The following PLXNA4 variants were observed in gnomAD, a reference collection of about 807,000 sequenced individuals.
PLXNA4 encodes the protein plexin-A4.
Under a neutral mutation model 191.8 loss-of-function variants are expected in PLXNA4, and 44 were observed. The observed-to-expected ratio is 0.23, with a 90% confidence interval of 0.18 to 0.29. PLXNA4 has a LOEUF of 0.29. Among genes scored for constraint, PLXNA4 ranks in the 10% least tolerant of loss-of-function variants. PLXNA4 has a pLI of 1.00. For synonymous variants in PLXNA4, 1,082 were observed against 1,009.5 expected, an observed-to-expected ratio of 1.07 and a Z score of -1.36; for missense variants, 1,800 against 2,488.8, an observed-to-expected ratio of 0.72 and a Z score of 5.89.
intron 1 of PLXNA4, among the ~76,000 whole-genome samples, chr7:132,555,045 G>GAAAAAAAA (rs1554467852): frequency 3.6e-5 from 4 of 111,942 alleles, no homozygotes; most frequent in Non-Finnish European, 6.9e-5. Context: ...AAACCTGAAG[G>GAAAAAAAA]AAAAAAAAAA....
chr7:132,186,149 C>A (rs1796871894), intron 15 of PLXNA4, among the ~76,000 whole-genome samples: 1 of 152,188 alleles, frequency 6.6e-6, no homozygotes, highest in Non-Finnish European at 1.5e-5. Context: ...GGAGCTTCTC[C>A]AGCCACATTG....
chr7:132,496,651 T>C (rs1249610801), intron 2 of PLXNA4, among the ~76,000 whole-genome samples: 1 of 152,190 alleles, frequency 6.6e-6, no homozygotes, highest in Non-Finnish European at 1.5e-5. Context: ...CCGTCCACCT[T>C]GGCCTCCCAA....
chr7:132,344,731 A>G (rs546077452), intron 3 of PLXNA4, among the ~76,000 whole-genome samples: 1 of 152,302 alleles, frequency 6.6e-6, no homozygotes, highest in Non-Finnish European at 1.5e-5. Flanking sequence ...TTTGTCCTCG[A>G]AGTGTTGTCA....
chr7:132,174,212 G>C (rs1489197548), intron 21 of PLXNA4, among the ~76,000 whole-genome samples: 1 of 152,158 alleles, frequency 6.6e-6, no homozygotes, highest in Non-Finnish European at 1.5e-5. Flanking sequence ...AGTATAATAT[G>C]AATAGACACC....
chr7:132,559,153 C>T (rs1217403481), intron 1 of PLXNA4, among the ~76,000 whole-genome samples: 4 of 152,122 alleles, frequency 2.6e-5, no homozygotes. Flanking sequence ...TGCTGAATTC[C>T]CTGAGACCAA....
chr7:132,553,465 T>C (rs1157909945), intron 1 of PLXNA4, among the ~76,000 whole-genome samples: 1 of 152,026 alleles, frequency 6.6e-6, no homozygotes, highest in African/African-American at 2.4e-5. Flanking sequence ...GAAAATTAAG[T>C]GCAAAAGAGG....
At chr7:132,564,849 C>G (rs573024264) in intron 1 of PLXNA4, among the ~76,000 whole-genome samples, 1 of 152,122 alleles carries the variant, frequency 6.6e-6, no homozygotes, top group Non-Finnish European at 1.5e-5. Flanking sequence ...GAGATCCCCC[C>G]GGGGACCCAG....
chr7:132,279,879 C>T (rs1800416137), intron 4 of PLXNA4, among the ~76,000 whole-genome samples: 1 of 152,168 alleles, frequency 6.6e-6, no homozygotes, highest in African/African-American at 2.4e-5. Flanking sequence ...ACGCCCAAAG[C>T]TGAAGTCAAC....
intron 3 of PLXNA4, among the ~76,000 whole-genome samples, chr7:132,429,296 C>A (rs1025068602): frequency 2.6e-5 from 4 of 152,198 alleles, no homozygotes; most frequent in Non-Finnish European, 5.9e-5. Flanking sequence ...CTGGTCCCAC[C>A]CACTGGACAG....
chr7:132,507,718 G>A lies in PLXNA4; in HGVS notation c.976C>T (p.Leu326Phe), dbSNP rs773092394. 1 of 1,614,082 alleles carries A rather than the reference G, an allele frequency of 6.2e-7. No individual in the cohort carries two copies. Among genetic ancestry groups the A allele is most frequent in the Non-Finnish European group, 8.5e-7 (1 of 1,180,054 alleles). Reference sequence around the variant, plus strand: ...AGGTCATCATCTGGATGGACTCCAAGGGTCCTGCCAAGCACGGCCCCCGCT... The same window carrying A: ...AGGTCATCATCTGGATGGACTCCAAAGGTCCTGCCAAGCACGGCCCCCGCT... ...SKAGAVLGRT[L>F]GVHPDDDLLF... is the part of the protein sequence containing the mutation. Residue 326 changes from leucine (L) to phenylalanine (F), a missense_variant, in exon 2 of 32, where the codon CTT becomes TTT. Physicochemically the swap from Leu to Phe is conservative, Grantham distance 22. Transcript: ENST00000321063.
intron 3 of PLXNA4, among the ~76,000 whole-genome samples, chr7:132,393,628 C>G (rs1301392237): frequency 6.6e-6 from 1 of 152,180 alleles, no homozygotes; most frequent in Non-Finnish European, 1.5e-5. Context: ...CAGAGTGCAG[C>G]AAGACATAGT....
At chr7:132,371,000 G>A (rs551677385) in intron 3 of PLXNA4, among the ~76,000 whole-genome samples, 2 of 152,306 alleles carry the variant, frequency 1.3e-5, no homozygotes, top group Non-Finnish European at 2.9e-5. Flanking sequence ...CATGCTGGTG[G>A]GCAGAGGCAG....
chr7:132,249,416 C>T (rs11979067), intron 4 of PLXNA4, among the ~76,000 whole-genome samples: 55 of 152,306 alleles, frequency 3.6e-4, no homozygotes, highest in African/African-American at 9.6e-4. Flanking sequence ...ACGCCGGAAT[C>T]ATCAACATAT....
intron 3 of PLXNA4, among the ~76,000 whole-genome samples, chr7:132,407,582 C>A (rs566993617): frequency 1.3e-5 from 2 of 152,152 alleles, no homozygotes; most frequent in African/African-American, 4.8e-5. Context: ...CCCAGCATGC[C>A]CCCTGGAAAC....
intron 2 of PLXNA4, among the ~76,000 whole-genome samples, chr7:132,630,763 G>A (rs762667240): frequency 3.9e-5 from 6 of 152,042 alleles, no homozygotes; most frequent in South Asian, 2.1e-4. Context: ...CGCCCACCTC[G>A]GCCTCCCAAA....
intron 25 of PLXNA4, among the ~76,000 whole-genome samples, chr7:132,156,679 T>C (rs576539738): frequency 6.6e-6 from 1 of 152,324 alleles, no homozygotes; most frequent in South Asian, 2.1e-4. Context: ...GTGCTATGCG[T>C]CCCTTTGGCA....
At chr7:132,310,343 T>C (rs1801679877) in intron 3 of PLXNA4, among the ~76,000 whole-genome samples, 1 of 152,216 alleles carries the variant, frequency 6.6e-6, no homozygotes, top group South Asian at 2.1e-4. Context: ...GAAGAGGAGA[T>C]AATGTGATGC....
intron 3 of PLXNA4, among the ~76,000 whole-genome samples, chr7:132,369,919 T>C (rs544242208): frequency 1.5e-4 from 23 of 151,324 alleles, no homozygotes; most frequent in African/African-American, 5.6e-4. Flanking sequence ...ATACAAAAAA[T>C]TAGCCGGGTG....
chr7:132,188,994 GA>G (rs1332920445), intron 14 of PLXNA4, among the ~76,000 whole-genome samples: 1 of 20,366 alleles, frequency 4.9e-5, no homozygotes, highest in Non-Finnish European at 8.6e-5. Context: ...GAAAGGAAAG[GA>G]GAGAGAGAGA....
Sources: allele counts gnomAD v4.1 joint callset (sites outside exome capture counted in the v4.1 genomes callset), GRCh38; gene constraint gnomAD v4.1.1; transcripts MANE v1.5; gene names NCBI Gene and HGNC (gene_info 2026-07-23, HGNC 2026-07-21).